Variants in SYT2 observed in about 807,000 individuals in gnomAD.
SYT2 encodes synaptotagmin 2, also known as synaptotagmin-2.
SYT2 carries 15 observed loss-of-function variants against 39.9 expected under a neutral mutation model. The observed-to-expected ratio is 0.38, with a 90% CI of 0.25 to 0.58. The LOEUF (loss-of-function observed/expected upper bound fraction) is 0.58, where lower values mean the gene tolerates loss of function less well. Ranked by LOEUF, SYT2 falls within the 20% of genes least tolerant of loss-of-function variation. The pLI is 0.70. For missense variants in SYT2, 389 were observed against 530.3 expected (o/e 0.73, Z 2.62); for synonymous variants, 181 against 204.5 (o/e 0.89, Z 0.98).
At chr1:202,659,199 C>A (rs1692335152) in intron 1 of SYT2, among the ~76,000 whole-genome samples, 1 of 152,168 alleles carries the variant, frequency 6.6e-6, no homozygotes, top group African/African-American at 2.4e-5. Flanking sequence ...TTTCCCAATG[C>A]ACAGCAAACT....
chr1:202,701,365 T>C (rs768680293), intron 1 of SYT2, among the ~76,000 whole-genome samples: 1 of 152,224 alleles, frequency 6.6e-6, no homozygotes, highest in Non-Finnish European at 1.5e-5. Flanking sequence ...GCACAGGTGA[T>C]GGGCACTGTT....
At position 202,677,472 on chromosome 1, in the gene SYT2, A is replaced by T. The variant is rs146818086; in HGVS notation, c.-18+32786T>A. 5.8e-3 allele frequency among the ~76,000 whole-genome samples: 886 copies of T among 152,338 alleles called. 9 individuals are homozygous for T. Among genetic ancestry groups the T allele is most frequent in the African/African-American group, 0.021 (856 of 41,572 alleles). ...TGCTGTGAGGAAGCTCAAGAAGTCC[A>T]TGGAGGGATCCATATGGAGAAGAAC... On this transcript the variant is annotated intron_variant, in intron 1 of 8. Transcript: ENST00000367268.
chr1:202,679,467 T>C (rs1231201065), intron 1 of SYT2, among the ~76,000 whole-genome samples: 1 of 152,240 alleles, frequency 6.6e-6, no homozygotes, highest in Non-Finnish European at 1.5e-5. Context: ...CTCAGTTGTC[T>C]GGTTCGGAGG....
rs372404717 is a variant in SYT2 at position 202,599,540 on chromosome 1, C to G, written c.920-189G>C. Reference sequence around the variant, plus strand: ...CAAAAGGCTTCACCTCCAGGACCAACTGTGACCAGTTGGTTGTGGCTTCCT... The same window carrying G: ...CAAAAGGCTTCACCTCCAGGACCAAGTGTGACCAGTTGGTTGTGGCTTCCT... On this transcript the variant is annotated intron_variant, in intron 7 of 8. Coordinates refer to ENST00000367268, the MANE Select transcript of SYT2 (RefSeq NM_177402.5). This position sits in a 1 kb window ranked among gnomAD's most constrained non-coding sequence, Gnocchi z 4.4. Among the ~76,000 whole-genome samples, 4 of 152,172 alleles carry G rather than the reference C, an allele frequency of 2.6e-5. No homozygotes were observed. In the South Asian group the frequency reaches 8.3e-4, roughly 31 times the overall value.
intron 1 of SYT2, among the ~76,000 whole-genome samples, chr1:202,677,334 T>C (rs1271046192): frequency 6.6e-6 from 1 of 152,180 alleles, no homozygotes; most frequent in African/African-American, 2.4e-5. Flanking sequence ...TGTTACTGCT[T>C]TGACCAGTAA....
At chr1:202,662,792 C>G (rs1014412856) in intron 1 of SYT2, among the ~76,000 whole-genome samples, 1 of 152,190 alleles carries the variant, frequency 6.6e-6, no homozygotes, top group African/African-American at 2.4e-5. Flanking sequence ...GCCTCAGGAT[C>G]ATCACCTGTA....
At chr1:202,663,047 G>A (rs189520039) in intron 1 of SYT2, among the ~76,000 whole-genome samples, 4 of 152,156 alleles carry the variant, frequency 2.6e-5, no homozygotes, top group African/African-American at 9.6e-5. Context: ...AATCTCTCTC[G>A]GCATCATCAT....
At position 202,590,695 on chromosome 1, in the gene SYT2, GGA is replaced by G. The variant is rs1173956718; in HGVS notation, c.*6060_*6061del. 6.6e-6 allele frequency: 1 copy of G among 151,748 alleles called. No homozygotes were observed. The highest frequency in any genetic ancestry group is 2.4e-5 in the African/African-American group (1 of 41,238). 9.4% of individuals were successfully genotyped at this position (151,748 alleles called of 1,614,324 possible). On this transcript the variant is annotated 3_prime_UTR_variant, in exon 9 of 9. Transcript: ENST00000367268. ...GAACAAGAGTCCACATAAGGGAGAT[GGA>G]GAGCATTGCCAAGCAGAAGTGGGAA...
rs544758074 is a variant in SYT2, at chr1:202,595,304, G to C, written c.*1453C>G. On this transcript the variant is annotated 3_prime_UTR_variant, in exon 9 of 9. Transcript: ENST00000367268. ...GGGAATGGGATACAACTGAGCATGG[G>C]TAGAAACCCTAGAAGGTCACCTCTG... The C allele has an allele frequency of 6.6e-6, 1 of 152,368 alleles. No individual in the cohort carries two copies. Among genetic ancestry groups the C allele is most frequent in the African/African-American group, 2.4e-5 (1 of 41,566 alleles). 9.4% of individuals were successfully genotyped at this position (152,368 alleles called of 1,614,324 possible). A position where few individuals can be genotyped will look rare whatever the true frequency, so the allele number is the denominator to read the frequency against.
chr1:202,694,178 CAG>C (rs1318167465), intron 1 of SYT2, among the ~76,000 whole-genome samples: 2 of 152,204 alleles, frequency 1.3e-5, no homozygotes, highest in African/African-American at 4.8e-5. Context: ...CAAGCCATAT[CAG>C]AGTTTTATGC....
rs1295839341 is a variant in SYT2, at chr1:202,628,270, A to C, written c.-17-22481T>G. On this transcript the variant is annotated intron_variant, in intron 1 of 8. Transcript: ENST00000367268. The surrounding 1 kb of genome is among the most constrained non-coding windows in gnomAD (Gnocchi z 4.2). ...GCACCCTTCCCCAGAGGATGGAAAG[A>C]GCTGTACTCCCAGGTAGCAGAGCAG... Among the ~76,000 whole-genome samples, 1 of 152,122 alleles carries C rather than the reference A, an allele frequency of 6.6e-6. No homozygotes were observed. Among genetic ancestry groups the C allele is most frequent in the African/African-American group, 2.4e-5 (1 of 41,418 alleles).
chr1:202,648,650 T>C (rs866861349), intron 1 of SYT2, among the ~76,000 whole-genome samples: 2 of 152,234 alleles, frequency 1.3e-5, no homozygotes, highest in Non-Finnish European at 2.9e-5. Flanking sequence ...GGCATCCATC[T>C]TCTGGAGTAT....
At chr1:202,671,178 C>T (rs1189190408) in intron 1 of SYT2, among the ~76,000 whole-genome samples, 1 of 152,246 alleles carries the variant, frequency 6.6e-6, no homozygotes, top group Non-Finnish European at 1.5e-5. Flanking sequence ...CATGATCAGC[C>T]TTCCCCACCT....
intron 1 of SYT2, among the ~76,000 whole-genome samples, chr1:202,619,244 A>G (rs1004695204): frequency 6.6e-6 from 1 of 152,198 alleles, no homozygotes; most frequent in Non-Finnish European, 1.5e-5. Context: ...CTTGAGGATG[A>G]TAAATGGATC....
chr1:202,630,592 C>T (rs1370438862), intron 1 of SYT2, among the ~76,000 whole-genome samples: 1 of 152,164 alleles, frequency 6.6e-6, no homozygotes, highest in African/African-American at 2.4e-5. Flanking sequence ...GATGGGACCC[C>T]TCACAGCCAC....
chr1:202,602,613 ACC>A, intron 4 of SYT2, 68 bp from the exon 5 acceptor site: 1 of 1,482,392 alleles, frequency 6.7e-7, no homozygotes, highest in South Asian at 1.3e-5. Flanking sequence ...CTGGCCCCAG[ACC>A]CAGCACCCAC....
rs72750619 is a variant in SYT2, at chr1:202,599,154, C to T, written c.1053+64G>A. ...CTCTAGGTGAGTTCCCTCTCTTCAA[C>T]CTCCCCATACATGTTTGCCTCCCCA... On this transcript the variant is annotated intron_variant, in intron 8 of 8. Transcript: ENST00000367268. The surrounding 1 kb of genome is among the most constrained non-coding windows in gnomAD (Gnocchi z 4.4). 1.3e-3 allele frequency: 2,065 copies of T among 1,590,182 alleles called. 4 individuals carry two copies. The highest frequency in any genetic ancestry group is 1.5e-3 in the Non-Finnish European group (1,800 of 1,172,112).
intron 1 of SYT2, among the ~76,000 whole-genome samples, chr1:202,665,412 C>T (rs975964010): frequency 2.0e-5 from 3 of 152,164 alleles, no homozygotes; most frequent in Non-Finnish European, 2.9e-5. Context: ...TATGACAAGG[C>T]GCCTGACCTC....
At chr1:202,649,183 G>A (rs547001240) in intron 1 of SYT2, among the ~76,000 whole-genome samples, 4 of 152,322 alleles carry the variant, frequency 2.6e-5, no homozygotes, top group Non-Finnish European at 4.4e-5. Flanking sequence ...GGACAGTGGC[G>A]GTGCTGGAGG....
Sources: allele counts gnomAD v4.1 joint callset (sites outside exome capture counted in the v4.1 genomes callset), GRCh38; gene constraint gnomAD v4.1.1; non-coding constraint Gnocchi (gnomAD v3.1); transcripts MANE v1.5; gene names NCBI Gene and HGNC (gene_info 2026-07-23, HGNC 2026-07-21).